Variants in NFIB observed in about 807,000 individuals in gnomAD.
NFIB encodes the protein nuclear factor I B.
A neutral mutation model predicts 61.5 loss-of-function variants in NFIB; 11 were observed. That is an observed-to-expected ratio of 0.18 (90% CI 0.11 to 0.30). NFIB has a LOEUF of 0.30. NFIB is among the 10% of genes least tolerant of loss of function. The probability of loss-of-function intolerance (pLI) is 1.00; values close to 1 mark genes in which losing one functional copy is unlikely to be tolerated. For missense variants in NFIB, 471 were observed against 608.9 expected (o/e 0.77, Z 2.38); for synonymous variants, 260 against 216.5 (o/e 1.20, Z -1.76).
chr9:14,285,769 G>C (rs2058669102), intron 2 of NFIB, among the ~76,000 whole-genome samples: 1 of 152,152 alleles, frequency 6.6e-6, no homozygotes, highest in Non-Finnish European at 1.5e-5. Context: ...AATGGCAATG[G>C]TCACATGTGG....
chr9:14,222,463 G>A (rs1321794950), intron 2 of NFIB, among the ~76,000 whole-genome samples: 2 of 152,146 alleles, frequency 1.3e-5, no homozygotes, highest in Non-Finnish European at 2.9e-5. Context: ...CTTTGCCCAA[G>A]CTAATTTCCA....
At chr9:14,478,567 A>G in the NFIB span, among the ~76,000 whole-genome samples, 1 of 152,204 alleles carries the variant, frequency 6.6e-6, no homozygotes, top group African/African-American at 2.4e-5. Flanking sequence ...ATTTTACAAA[A>G]TGGGACAATA....
At chr9:14,143,655 G>C (rs1163979486) in intron 6 of NFIB, among the ~76,000 whole-genome samples, 2 of 152,056 alleles carry the variant, frequency 1.3e-5, no homozygotes, top group African/African-American at 4.8e-5. Flanking sequence ...AATTAGTGCA[G>C]GGCTTTGTAG....
At chr9:14,439,583 T>C in the NFIB span, among the ~76,000 whole-genome samples, 1 of 152,186 alleles carries the variant, frequency 6.6e-6, no homozygotes, top group African/African-American at 2.4e-5. Context: ...GGGAGTGAGC[T>C]TCCCTGAGCC....
chr9:14,505,226 C>CT, the NFIB span, among the ~76,000 whole-genome samples: 1 of 152,160 alleles, frequency 6.6e-6, no homozygotes, highest in South Asian at 2.1e-4. Context: ...GGTATATGAT[C>CT]TTTTTGACAT....
intron 6 of NFIB, among the ~76,000 whole-genome samples, chr9:14,134,299 G>C (rs1169513306): frequency 6.6e-6 from 1 of 152,134 alleles, no homozygotes; most frequent in Non-Finnish European, 1.5e-5. Flanking sequence ...AAAAGCCTTA[G>C]AAATGGACAT....
At chr9:14,095,154 C>G (rs2034578811) in intron 10 of NFIB, among the ~76,000 whole-genome samples, 1 of 152,090 alleles carries the variant, frequency 6.6e-6, no homozygotes, top group South Asian at 2.1e-4. Flanking sequence ...TAAAAACTTC[C>G]TTAAAATGTT....
chr9:14,424,079 G>A, the NFIB span, among the ~76,000 whole-genome samples: 1 of 152,072 alleles, frequency 6.6e-6, no homozygotes, highest in African/African-American at 2.4e-5. Context: ...TTAAGTTCCA[G>A]TCTCTCCAAC....
chr9:14,215,406 G>C (rs1010466214), intron 2 of NFIB, among the ~76,000 whole-genome samples: 1 of 141,922 alleles, frequency 7.0e-6, no homozygotes, highest in Admixed American at 6.8e-5. Flanking sequence ...ATTATTAAAA[G>C]TTAACTAATA....
At chr9:14,464,881 T>C in the NFIB span, among the ~76,000 whole-genome samples, 31 of 152,296 alleles carry the variant, frequency 2.0e-4, no homozygotes, top group African/African-American at 7.0e-4. Flanking sequence ...TATTTCCCTA[T>C]ACAACTATTG....
At chr9:14,160,726 T>C (rs73642099) in intron 3 of NFIB, among the ~76,000 whole-genome samples, 2,598 of 151,400 alleles carry the variant, frequency 0.017, 86 homozygotes, top group African/African-American at 0.06. Context: ...ATTATTGGTG[T>C]TGCCATTTTA....
At chr9:14,251,855 G>A (rs139108007) in intron 2 of NFIB, among the ~76,000 whole-genome samples, 1 of 152,318 alleles carries the variant, frequency 6.6e-6, no homozygotes, top group African/African-American at 2.4e-5. Context: ...ACAAGCTGGA[G>A]AGGAAAACAA....
intron 2 of NFIB, among the ~76,000 whole-genome samples, chr9:14,302,353 A>C (rs1448553635): frequency 6.6e-6 from 1 of 152,220 alleles, no homozygotes; most frequent in Non-Finnish European, 1.5e-5. Context: ...CAAAAACAGT[A>C]ATAATGATTA....
chr9:14,313,188 C>G lies in NFIB; in HGVS notation c.30+294G>C, dbSNP rs143781487. Among the ~76,000 whole-genome samples the G allele has an allele frequency of 1.3e-5, 2 of 152,088 alleles. No homozygotes were observed. The highest frequency in any genetic ancestry group is 4.8e-5 in the African/African-American group (2 of 41,438). On this transcript the variant is annotated intron_variant, in intron 1 of 10. Coordinates refer to ENST00000380953, the MANE Select transcript of NFIB (RefSeq NM_001190737.2). This position sits in a 1 kb window ranked among gnomAD's most constrained non-coding sequence, Gnocchi z 4.5. ...GCACCACAACGGGCACTTGAGGGGC[C>G]GCACGGGGCCTCGCACTTACAGGTC...
At chr9:14,460,964 G>C in the NFIB span, among the ~76,000 whole-genome samples, 1 of 151,800 alleles carries the variant, frequency 6.6e-6, no homozygotes. Flanking sequence ...AACTTTATAC[G>C]TCTCTGTTTA....
chr9:14,326,221 C>T lies in NFIB; in HGVS notation c.109-18701G>A, dbSNP rs77304624. Among the ~76,000 whole-genome samples, 45 of 152,314 alleles carry T rather than the reference C, an allele frequency of 3.0e-4. No individual in the cohort carries two copies. In the East Asian group the frequency reaches 7.7e-3, roughly 26 times the overall value. ...ATTATTCATTGGTTATAGCACTCTT[C>T]AGCTGTAATTCATTATGCCTCTTCT... On this transcript the variant is annotated intron_variant, in intron 1 of 8. Coordinates refer to the NFIB transcript ENST00000380934.
At chr9:14,103,519 T>C (rs904465891) in intron 10 of NFIB, among the ~76,000 whole-genome samples, 25 of 152,156 alleles carry the variant, frequency 1.6e-4, no homozygotes, top group African/African-American at 6.0e-4. Flanking sequence ...CCATAAATTA[T>C]CATAAACTTA....
At chr9:14,427,954 T>TTCTTG in the NFIB span, among the ~76,000 whole-genome samples, 1 of 117,566 alleles carries the variant, frequency 8.5e-6, no homozygotes, top group African/African-American at 3.1e-5. Context: ...TTTTTTTTTT[T>TTCTTG]TTTTTTTTTT....
chr9:14,155,170 T>G (rs928123281), intron 4 of NFIB, among the ~76,000 whole-genome samples: 4 of 152,198 alleles, frequency 2.6e-5, no homozygotes, highest in African/African-American at 9.6e-5. Flanking sequence ...TGGATATGTT[T>G]GTACATGCTA....
Sources: allele counts gnomAD v4.1 joint callset (sites outside exome capture counted in the v4.1 genomes callset), GRCh38; gene constraint gnomAD v4.1.1; non-coding constraint Gnocchi (gnomAD v3.1); transcripts MANE v1.5; gene names NCBI Gene and HGNC (gene_info 2026-07-23, HGNC 2026-07-21).